ZNF407: variants seen among roughly 807,000 people sequenced by gnomAD.
The protein encoded by ZNF407 is zinc finger protein 407.
A neutral mutation model predicts 131.2 loss-of-function variants in ZNF407; 17 were observed. That is an observed-to-expected ratio of 0.13 (90% CI 0.09 to 0.19). The LOEUF is 0.19. Ranked by LOEUF, ZNF407 falls within the 10% of genes least tolerant of loss-of-function variation. ZNF407 has a pLI of 1.00. For synonymous variants in ZNF407, 1,156 were observed against 1,062.0 expected (o/e 1.09, Z -1.72); for missense variants, 2,681 against 2,830.6 (o/e 0.95, Z 1.20).
chr18:74,802,161 T>C (rs1055995362), intron 4 of ZNF407, among the ~76,000 whole-genome samples: 6 of 152,218 alleles, frequency 3.9e-5, no homozygotes, highest in Non-Finnish European at 8.8e-5. Context: ...TACATATAGT[T>C]ATACTACGTA....
At chr18:74,658,178 T>C (rs1985559017) in intron 3 of ZNF407, among the ~76,000 whole-genome samples, 1 of 152,088 alleles carries the variant, frequency 6.6e-6, no homozygotes, top group Non-Finnish European at 1.5e-5. Context: ...AGTGGCATGA[T>C]CTCAGCTCAC....
chr18:75,000,704 A>G (rs1408136185), intron 8 of ZNF407, among the ~76,000 whole-genome samples: 1 of 152,100 alleles, frequency 6.6e-6, no homozygotes, highest in Non-Finnish European at 1.5e-5. Context: ...CATCATTTTT[A>G]TATATTTTAT....
intron 4 of ZNF407, among the ~76,000 whole-genome samples, chr18:74,841,938 A>G (rs770482066): frequency 8.5e-4 from 129 of 152,286 alleles, no homozygotes; most frequent in Middle Eastern, 6.8e-3. Context: ...AAAATTGTGA[A>G]CTTTCTTTTT....
chr18:75,023,909 C>G (rs965682407), intron 8 of ZNF407, among the ~76,000 whole-genome samples: 1 of 152,036 alleles, frequency 6.6e-6, no homozygotes, highest in Non-Finnish European at 1.5e-5. Flanking sequence ...GTTTGTGGTG[C>G]GTTGGTTTTG....
intron 1 of ZNF407, among the ~76,000 whole-genome samples, chr18:74,619,850 C>T (rs957262036): frequency 5.9e-5 from 9 of 152,036 alleles, no homozygotes; most frequent in Middle Eastern, 3.2e-3. Flanking sequence ...TTTAGTTGTA[C>T]GAGATGGTTT....
rs757660380 is a variant in ZNF407, at chr18:74,632,241, A to G, written c.1222A>G (p.Asn408Asp). 8 of 1,613,878 alleles carry G rather than the reference A, an allele frequency of 5.0e-6. No homozygotes were observed. The East Asian group carries it at 1.6e-4, about 31-fold the overall frequency. Reference sequence around the variant, plus strand: ...AAATACCCTTCAGGCAGCACACGGTAACAGTGTAACCTCGAGGCCAAGACC... The same window carrying G: ...AAATACCCTTCAGGCAGCACACGGTGACAGTGTAACCTCGAGGCCAAGACC... Reference protein sequence around the residue: ...TKNTLQAAHGNSVTSRPRPER... With the variant: ...TKNTLQAAHGDSVTSRPRPER... The change falls in exon 2 of 9, where the codon AAC (asparagine) becomes GAC (aspartate). Residue 408 changes from asparagine (N) to aspartate (D), a missense_variant. Transcript: ENST00000299687.
At chr18:74,675,818 C>A (rs1986332784) in intron 3 of ZNF407, among the ~76,000 whole-genome samples, 2 of 152,198 alleles carry the variant, frequency 1.3e-5, no homozygotes, top group African/African-American at 4.8e-5. Flanking sequence ...GAATCCCACT[C>A]ATTTCCCTCC....
At position 74,887,612 on chromosome 18, in the gene ZNF407, A is replaced by G. The variant is rs573874890; in HGVS notation, c.5129-2306A>G. On this transcript the variant is annotated intron_variant, in intron 6 of 8. Coordinates refer to ENST00000299687, the MANE Select transcript of ZNF407 (RefSeq NM_017757.3). ...TGGTTATGAGCTCTTGATGAGAAGC[A>G]TTTGTGTGCTTCTTTCATCTTTGGC... Among the ~76,000 whole-genome samples the G allele has an allele frequency of 2.0e-5, 3 of 152,228 alleles. No individual in the cohort carries two copies. In the East Asian group the frequency reaches 5.8e-4, roughly 29 times the overall value.
At chr18:74,723,633 C>G (rs1197648954) in intron 3 of ZNF407, among the ~76,000 whole-genome samples, 2 of 152,142 alleles carry the variant, frequency 1.3e-5, no homozygotes, top group Non-Finnish European at 2.9e-5. Context: ...TTATGGCTCT[C>G]TTTTACTTCT....
Position 74,632,283 on chromosome 18 carries a change from G to A in ZNF407, c.1264G>A (p.Val422Met), listed in dbSNP as rs772796599. Residue 422 changes from valine (V) to methionine (M), a missense_variant, in exon 2 of 9, where the codon GTG becomes ATG. By Grantham distance (21) the Val-to-Met change is conservative. This residue lies in a region of ZNF407 where 1,789 missense variants were observed against 1,748.7 expected (regional missense o/e 1.02). Coordinates refer to ENST00000299687, the MANE Select transcript of ZNF407 (RefSeq NM_017757.3). ...SRPRPERNIL[V>M]LGNSFRRRSS... The stretch of plus-strand genomic sequence containing the variant: ...GCCAAGACCTGAGCGAAATATTCTC[G>A]TGTTGGGTAATAGCTTTCGTCGACG... 9.9e-6 allele frequency: 16 copies of A among 1,613,806 alleles called. No individual in the cohort carries two copies. Among genetic ancestry groups the A allele is most frequent in the East Asian group, 4.5e-5 (2 of 44,900 alleles).
chr18:74,866,073 C>T (rs1471340799), intron 4 of ZNF407, among the ~76,000 whole-genome samples: 5 of 152,166 alleles, frequency 3.3e-5, no homozygotes, highest in Non-Finnish European at 7.4e-5. Context: ...TACGATTTAC[C>T]AAGGAACAAA....
At chr18:75,030,519 TAAAG>T (rs1381844808) in intron 8 of ZNF407, among the ~76,000 whole-genome samples, 2 of 152,220 alleles carry the variant, frequency 1.3e-5, no homozygotes, top group Non-Finnish European at 2.9e-5. Context: ...TGCAGGCTGA[TAAAG>T]TATTGAAAAA....
intron 3 of ZNF407, among the ~76,000 whole-genome samples, chr18:74,652,030 G>T (rs1311111364): frequency 6.6e-6 from 1 of 152,090 alleles, no homozygotes; most frequent in Non-Finnish European, 1.5e-5. Flanking sequence ...CTTCCTGTAG[G>T]TAAAGATGAC....
intron 1 of ZNF407, among the ~76,000 whole-genome samples, chr18:74,599,934 G>A (rs7230919): frequency 0.86 from 130,429 of 152,248 alleles, 56,068 homozygotes; most frequent in East Asian, 1. Context: ...AATGCACTGT[G>A]GTCCTCCACT....
chr18:74,741,695 TA>T (rs1466992671), intron 3 of ZNF407, among the ~76,000 whole-genome samples: 2 of 152,116 alleles, frequency 1.3e-5, no homozygotes, highest in Non-Finnish European at 2.9e-5. Context: ...TTTCAAACAA[TA>T]GTAAATTTCC....
intron 8 of ZNF407, among the ~76,000 whole-genome samples, chr18:74,931,593 C>A (rs1971983197): frequency 6.6e-6 from 1 of 152,056 alleles, no homozygotes; most frequent in Non-Finnish European, 1.5e-5. Context: ...AATATAAGAT[C>A]TCATTTCCTT....
At chr18:75,058,564 T>C (rs2048459112) in intron 8 of ZNF407, among the ~76,000 whole-genome samples, 1 of 152,186 alleles carries the variant, frequency 6.6e-6, no homozygotes, top group South Asian at 2.1e-4. Flanking sequence ...TTTTTAAAGG[T>C]ACCGTAATAC....
chr18:75,007,653 C>A (rs1972927405), intron 8 of ZNF407, among the ~76,000 whole-genome samples: 1 of 152,154 alleles, frequency 6.6e-6, no homozygotes, highest in Non-Finnish European at 1.5e-5. Flanking sequence ...ATGTTAGAAT[C>A]GATATCTAAA....
chr18:74,858,939 C>G (rs1970898375), intron 4 of ZNF407, among the ~76,000 whole-genome samples: 2 of 151,218 alleles, frequency 1.3e-5, no homozygotes, highest in African/African-American at 2.4e-5. Context: ...AAAAAATTTC[C>G]TTATCTGAGC....
Sources: allele counts gnomAD v4.1 joint callset (sites outside exome capture counted in the v4.1 genomes callset), GRCh38; gene constraint gnomAD v4.1.1; regional missense constraint gnomAD v4.1.1; transcripts MANE v1.5; gene names NCBI Gene and HGNC (gene_info 2026-07-23, HGNC 2026-07-21).